Variants in CYP26B1 observed in about 807,000 individuals in gnomAD.
CYP26B1 encodes the protein cytochrome P450 26B1.
In CYP26B1, 8 loss-of-function variants were observed where a neutral mutation model predicts 39.1. The observed-to-expected ratio is 0.20, with a 90% confidence interval of 0.12 to 0.37. The LOEUF (loss-of-function observed/expected upper bound fraction) is 0.37, where lower values mean the gene tolerates loss of function less well. Ranked by LOEUF, CYP26B1 falls within the 10% of genes least tolerant of loss-of-function variation. The probability of loss-of-function intolerance (pLI) is 1.00; values close to 1 mark genes in which losing one functional copy is unlikely to be tolerated. For synonymous variants in CYP26B1, 321 were observed against 314.3 expected, an observed-to-expected ratio of 1.02 and a Z score of -0.23; for missense variants, 615 against 707.0, an observed-to-expected ratio of 0.87 and a Z score of 1.48.
Position 72,134,790 on chromosome 2 carries a change from C to T in CYP26B1, c.832G>A (p.Gly278Arg), listed in dbSNP as rs371681434. The T allele has an allele frequency of 1.4e-4, 228 of 1,613,976 alleles. No individual in the cohort carries two copies. The highest frequency in any genetic ancestry group is 1.7e-4 in the Non-Finnish European group (206 of 1,179,980). ...AGCTCCTGCATGGTCATCTCCTTCC[C>T]GTGCTCCTTGCTGCTCTCAATGAGG... ...DLLIESSKEHGKEMTMQELKD... is the reference protein window; with the variant it reads ...DLLIESSKEHRKEMTMQELKD... Residue 278 changes from glycine (G) to arginine (R), a missense_variant, in exon 4 of 6, where the codon GGG becomes AGG. Physicochemically the swap from Gly to Arg is moderately radical, Grantham distance 125. Coordinates refer to ENST00000001146, the MANE Select transcript of CYP26B1 (RefSeq NM_019885.4).
At position 72,147,720 on chromosome 2, in the gene CYP26B1, C is replaced by T. The variant is rs149453254; in HGVS notation, c.115G>A (p.Ala39Thr). ...AGCTTGCAGCTCTTGTCGCGAGTGG[C>T]GGCCCAGCGCAGCTGCCACAGCTGC... ...SQQLWQLRWA[A>T]TRDKSCKLPI... The change falls in exon 1 of 6, where the codon GCC (alanine) becomes ACC (threonine). Residue 39 changes from alanine (A) to threonine (T), a missense_variant. Physicochemically the swap from Ala to Thr is moderately conservative, Grantham distance 58 (BLOSUM62 0). Coordinates refer to ENST00000001146, the MANE Select transcript of CYP26B1 (RefSeq NM_019885.4). The surrounding 1 kb of genome is among the most constrained non-coding windows in gnomAD (Gnocchi z 6.1). 501 of 1,597,416 alleles carry T rather than the reference C, an allele frequency of 3.1e-4. 2 individuals carry two copies. In the African/African-American group the frequency reaches 5.9e-3, roughly 19 times the overall value.
chr2:72,143,852 C>A (rs1345919414), intron 2 of CYP26B1, 137 bp downstream of exon 2: 41 of 1,075,318 alleles, frequency 3.8e-5, no homozygotes, highest in Non-Finnish European at 5.7e-5. Flanking sequence ...GCCTTGTCGG[C>A]GGGGAACTGC....
chr2:72,136,075 G>A (rs1420754624), intron 2 of CYP26B1, among the ~76,000 whole-genome samples: 4 of 115,740 alleles, frequency 3.5e-5, no homozygotes, highest in Admixed American at 9.5e-5. Context: ...GGCTGGCTGC[G>A]CAGCCCCCCT....
intron 2 of CYP26B1, among the ~76,000 whole-genome samples, chr2:72,138,629 G>T (rs1408119390): frequency 6.6e-6 from 1 of 152,208 alleles, no homozygotes. Flanking sequence ...CCTGCAGAGG[G>T]AGTGGCAGGT....
At chr2:72,135,493 A>T (rs1417404679) in intron 2 of CYP26B1, 74 bp from the exon 3 acceptor site, 5 of 1,583,412 alleles carry the variant, frequency 3.2e-6, no homozygotes, top group Non-Finnish European at 4.3e-6. Flanking sequence ...CTCTGCCTGA[A>T]CAATGAATGT....
Position 72,130,511 on chromosome 2 carries a change from G to C in CYP26B1, c.*1716C>G, listed in dbSNP as rs545718676. On this transcript the variant is annotated 3_prime_UTR_variant, in exon 6 of 6. Transcript: ENST00000001146. Reference sequence around the variant, plus strand: ...GTCTGTGGGGCTGCCTACGGGATCTGGTCTGAGGGAGCCACTGAGGTGCTC... The same window carrying C: ...GTCTGTGGGGCTGCCTACGGGATCTCGTCTGAGGGAGCCACTGAGGTGCTC... The C allele has an allele frequency of 6.6e-6, 1 of 152,326 alleles. No homozygotes were observed. The highest frequency in any genetic ancestry group is 1.5e-5 in the Non-Finnish European group (1 of 68,070). 9.4% of individuals were successfully genotyped at this position (152,326 alleles called of 1,614,324 possible). A position where few individuals can be genotyped will look rare whatever the true frequency, so the allele number is the denominator to read the frequency against.
chr2:72,138,414 G>A (rs1676840475), intron 2 of CYP26B1, among the ~76,000 whole-genome samples: 1 of 152,214 alleles, frequency 6.6e-6, no homozygotes, highest in South Asian at 2.1e-4. Flanking sequence ...CTGGGGTCAG[G>A]ACTCGGGCAC....
chr2:72,133,941 G>A (rs535636037), intron 4 of CYP26B1, among the ~76,000 whole-genome samples: 57 of 152,332 alleles, frequency 3.7e-4, no homozygotes, highest in African/African-American at 1.3e-3. Context: ...CCCACAGAAA[G>A]GCCCCAGCAG....
chr2:72,144,512 G>T (rs1002215121), intron 1 of CYP26B1: 3 of 1,172,728 alleles, frequency 2.6e-6, no homozygotes, highest in Non-Finnish European at 2.1e-6. Flanking sequence ...CCCGAAGCGG[G>T]AGTCTCCGCC....
chr2:72,144,442 C>G (rs1180782290), intron 1 of CYP26B1: 8 of 1,331,014 alleles, frequency 6.0e-6, no homozygotes, highest in Non-Finnish European at 7.7e-6. Flanking sequence ...AGGGGCACCC[C>G]CAGGAGGCTG....
In CYP26B1 at chr2:72,147,858, G is replaced by A; in HGVS notation, c.-24C>T. On this transcript the variant is annotated 5_prime_UTR_variant, in exon 1 of 6. Transcript: ENST00000001146. This position sits in a 1 kb window ranked among gnomAD's most constrained non-coding sequence, Gnocchi z 6.1. ...ATGTTGGCGGCCGCTCGGGGGATTG[G>A]CTGTGCCGGCCGCGGCGGGGGAGGG... 1 of 1,507,862 alleles carries A rather than the reference G, an allele frequency of 6.6e-7. No homozygotes were observed. Among genetic ancestry groups the A allele is most frequent in the Non-Finnish European group, 8.9e-7 (1 of 1,124,900 alleles). The allele number at this position is 1,507,862 out of a possible 1,614,324, so 93.4% of individuals were successfully genotyped here. A position where few individuals can be genotyped will look rare whatever the true frequency, so the allele number is the denominator to read the frequency against.
At chr2:72,143,778 G>T (rs1175111110) in intron 2 of CYP26B1, among the ~76,000 whole-genome samples, 1 of 152,210 alleles carries the variant, frequency 6.6e-6, no homozygotes, top group Non-Finnish European at 1.5e-5. Context: ...TGCCCATGAC[G>T]CAGTCGGCCA....
In CYP26B1 at chr2:72,132,015, G is replaced by A; in HGVS notation, c.*212C>T. 1.6e-6 allele frequency: 1 copy of A among 609,300 alleles called. No individual in the cohort carries two copies. The highest frequency in any genetic ancestry group is 2.9e-6 in the Non-Finnish European group (1 of 346,406). The allele number at this position is 609,300 out of a possible 1,614,324, so 37.7% of individuals were successfully genotyped here. On this transcript the variant is annotated 3_prime_UTR_variant, in exon 6 of 6. Coordinates refer to ENST00000001146, the MANE Select transcript of CYP26B1 (RefSeq NM_019885.4). The stretch of plus-strand genomic sequence containing the variant: ...GCTGAGCTGATGGTAAATGGGGAGT[G>A]GCTGGAGGGAAGCTGGAGCCAGAAG...
chr2:72,132,262 G>T lies in CYP26B1; in HGVS notation c.1504C>A (p.Pro502Thr), dbSNP rs146447538. Reference protein sequence around the residue: ...GLDSNQNEILPETEAMLSATV With the variant: ...GLDSNQNEILTETEAMLSATV Reference sequence around the variant, plus strand: ...GCGCTCAGCATGGCCTCCGTCTCCGGCAGGATCTCGTTCTGGTTGGAGTCC... The same window carrying T: ...GCGCTCAGCATGGCCTCCGTCTCCGTCAGGATCTCGTTCTGGTTGGAGTCC... The change falls in exon 6 of 6, where the codon CCG becomes ACG. Residue 502 changes from proline to threonine, a missense_variant. Pro to Thr is a conservative substitution (Grantham distance 38, BLOSUM62 -1). Coordinates refer to ENST00000001146, the MANE Select transcript of CYP26B1 (RefSeq NM_019885.4). 1.9e-6 allele frequency: 3 copies of T among 1,604,012 alleles called. No individual in the cohort carries two copies. Among genetic ancestry groups the T allele is most frequent in the African/African-American group, 1.3e-5 (1 of 74,828 alleles).
In CYP26B1 at chr2:72,132,587, C is replaced by T; in HGVS notation, c.1179G>A (p.Met393Ile). The T allele has an allele frequency of 1.9e-6, 3 of 1,611,654 alleles. No individual in the cohort carries two copies. Among genetic ancestry groups the T allele is most frequent in the Non-Finnish European group, 2.5e-6 (3 of 1,179,224 alleles). Residue 393 changes from methionine (M) to isoleucine (I), a missense_variant, in exon 6 of 6, where the codon ATG becomes ATA. Transcript: ENST00000001146. ...GFQIPKGWSV[M>I]YSIRDTHDTA... ...TGTCATGGGTGTCCCGGATGCTATA[C>T]ATGACACTCCAGCCTTTGGGGATCT...
In CYP26B1 at chr2:72,129,476, T is replaced by C. The variant is rs1017013680; in HGVS notation, c.*2751A>G. On this transcript the variant is annotated 3_prime_UTR_variant, in exon 6 of 6. Transcript: ENST00000001146. ...AACATATTAATATTTTGAACCATGT[T>C]TACAATAGAGCAAAATTCATATTTT... 6.6e-6 allele frequency: 1 copy of C among 152,592 alleles called. No individual in the cohort carries two copies. Among genetic ancestry groups the C allele is most frequent in the African/African-American group, 2.4e-5 (1 of 41,444 alleles). 9.5% of individuals were successfully genotyped at this position (152,592 alleles called of 1,614,324 possible).
intron 1 of CYP26B1, chr2:72,144,437 C>T (rs2104097399): frequency 7.4e-7 from 1 of 1,349,210 alleles, no homozygotes; most frequent in East Asian, 2.7e-5. Flanking sequence ...GGCCCAGGGG[C>T]ACCCCCAGGA....
chr2:72,144,574 A>C, intron 1 of CYP26B1: 1 of 867,078 alleles, frequency 1.2e-6, no homozygotes, highest in Non-Finnish European at 1.4e-6. Context: ...TCTCGGAATA[A>C]ATATTTCCAG....
chr2:72,133,158 G>A lies in CYP26B1; in HGVS notation c.1011C>T (p.Cys337=). 2 of 1,611,362 alleles carry A rather than the reference G, an allele frequency of 1.2e-6. No homozygotes were observed. Among genetic ancestry groups the A allele is most frequent in the Non-Finnish European group, 1.7e-6 (2 of 1,179,308 alleles). The part of the protein sequence containing the change: ...RAHGILHSGG[C]PCEGTLRLDT... The stretch of plus-strand genomic sequence containing the variant: ...CCAGGCGCAGTGTGCCCTCGCAGGG[G>A]CAGCCGCCACTGTGCAGGATGCCAT... Residue 337 remains cysteine (C), a synonymous_variant, in exon 5 of 6, where the codon TGC becomes TGT. Coordinates refer to ENST00000001146, the MANE Select transcript of CYP26B1 (RefSeq NM_019885.4).
Sources: gnomAD v4.1 joint callset for allele counts (sites outside exome capture counted in the v4.1 genomes callset) on GRCh38, gnomAD v4.1.1 for gene constraint, Gnocchi (gnomAD v3.1) non-coding constraint, MANE v1.5 for transcripts, NCBI Gene and HGNC (gene_info 2026-07-23, HGNC 2026-07-21) for gene names.